The following NLRP3 variants were observed in gnomAD, a reference collection of about 807,000 sequenced individuals.
NLRP3 encodes NLR family pyrin domain containing 3, also known as NACHT, LRR and PYD domains-containing protein 3.
A neutral mutation model predicts 91.3 loss-of-function variants in NLRP3; 48 were observed. The observed-to-expected ratio is 0.53, with a 90% CI of 0.42 to 0.67. The LOEUF is 0.67. Ranked by LOEUF, NLRP3 falls within the 30% of genes least tolerant of loss-of-function variation. NLRP3 has a pLI of 0.00. For synonymous variants in NLRP3, 561 were observed against 507.9 expected (o/e 1.10, Z -1.41); for missense variants, 982 against 1,276.9 (o/e 0.77, Z 3.52).
At chr1:247,417,907 T>C (rs12137901) in intron 1 of NLRP3, 146 bp from the exon 2 acceptor site, 39,352 of 152,360 alleles carry the variant, frequency 0.26, 5,354 homozygotes, top group African/African-American at 0.34. Flanking sequence ...CCACGTCCTG[T>C]TCTGTTATCA....
At chr1:247,430,365 G>C (rs767779366) in intron 5 of NLRP3, among the ~76,000 whole-genome samples, 1 of 152,138 alleles carries the variant, frequency 6.6e-6, no homozygotes, top group African/African-American at 2.4e-5. Context: ...TCTTGCCTTG[G>C]GGGGAAGAGT....
At chr1:247,432,402 T>C (rs975670826) in intron 5 of NLRP3, among the ~76,000 whole-genome samples, 4 of 152,218 alleles carry the variant, frequency 2.6e-5, no homozygotes, top group Non-Finnish European at 4.4e-5. Flanking sequence ...TCCAGTTCCA[T>C]CTGTGTGGCT....
At chr1:247,422,107 A>C (rs1349734262) in intron 2 of NLRP3, among the ~76,000 whole-genome samples, 1 of 151,874 alleles carries the variant, frequency 6.6e-6, no homozygotes, top group East Asian at 1.9e-4. Context: ...GGCTGGGCGC[A>C]GTGGCTTATG....
At chr1:247,444,294 G>A (rs1046907987) in intron 8 of NLRP3, 152 bp downstream of exon 8, 1 of 853,264 alleles carries the variant, frequency 1.2e-6, no homozygotes, top group Admixed American at 2.0e-5. Context: ...ACTGGGAGGA[G>A]TCCTTCCAGA....
At chr1:247,438,060 G>A (rs1387877432) in intron 7 of NLRP3, among the ~76,000 whole-genome samples, 1 of 152,322 alleles carries the variant, frequency 6.6e-6, no homozygotes. Context: ...ACCTGGTAGA[G>A]CTGCTGTAAT....
At chr1:247,420,846 C>T (rs1342180585) in intron 2 of NLRP3, among the ~76,000 whole-genome samples, 2 of 152,160 alleles carry the variant, frequency 1.3e-5, no homozygotes, top group Non-Finnish European at 2.9e-5. Context: ...GCAGACTGTA[C>T]CTACCCCCTG....
intron 4 of NLRP3, among the ~76,000 whole-genome samples, chr1:247,428,497 G>A (rs1239464599): frequency 6.6e-6 from 1 of 152,202 alleles, no homozygotes; most frequent in Non-Finnish European, 1.5e-5. Context: ...GGGTGCAGTG[G>A]CTCTTGCCTG....
At chr1:247,438,364 A>C in intron 7 of NLRP3, among the ~76,000 whole-genome samples, 1 of 136,882 alleles carries the variant, frequency 7.3e-6, no homozygotes. Flanking sequence ...GGATTTCACG[A>C]CTGGTTTAGT....
chr1:247,443,788 T>C, intron 7 of NLRP3, 184 bp from the exon 8 acceptor site: 3 of 646,112 alleles, frequency 4.6e-6, no homozygotes, highest in Non-Finnish European at 8.4e-6. Flanking sequence ...ACATCATTTG[T>C]GTCTCCTGTG....
rs779145557 is a variant in NLRP3, at chr1:247,444,712, A to ACACTTTC, written c.2896_2897insCACTTTC (p.Ser966ThrfsTer15). The stretch of plus-strand genomic sequence containing the variant: ...GGATCTTTCCACACTTCTGACCTCC[A>ACACTTTC]GCCAGAGCCTGCGAAAGCTGAGCCT... On this transcript the variant is annotated frameshift_variant, in exon 9 of 10. Coordinates refer to ENST00000336119, the MANE Select transcript of NLRP3 (RefSeq NM_001243133.2). LOFTEE classifies it high-confidence loss of function. 6.2e-7 allele frequency: 1 copy of ACACTTTC among 1,614,038 alleles called. No individual in the cohort carries two copies. The highest frequency in any genetic ancestry group is 8.5e-7 in the Non-Finnish European group (1 of 1,180,032).
chr1:247,425,103 C>T lies in NLRP3; in HGVS notation c.1654C>T (p.Pro552Ser). 6.2e-7 allele frequency: 1 copy of T among 1,613,366 alleles called. No individual in the cohort carries two copies. Among genetic ancestry groups the T allele is most frequent in the Non-Finnish European group, 8.5e-7 (1 of 1,179,610 alleles). The change falls in exon 4 of 10, where the codon CCC becomes TCC. Residue 552 changes from proline to serine, a missense_variant. Pro to Ser is a moderately conservative substitution (Grantham distance 74). Around this residue, in one of 5 missense-constraint regions of NLRP3, gnomAD observed 548 missense variants for 713.7 expected, o/e 0.77. Coordinates refer to ENST00000336119, the MANE Select transcript of NLRP3 (RefSeq NM_001243133.2). This position sits in a 1 kb window ranked among gnomAD's most constrained non-coding sequence, Gnocchi z 4.1. Reference protein sequence around the residue: ...TNVPGSRLKLPSRDVTVLLEN... With the variant: ...TNVPGSRLKLSSRDVTVLLEN... ...CGTTCCAGGGAGTCGTTTGAAGCTT[C>T]CCAGCCGAGACGTGACAGTCCTTCT...
At chr1:247,429,539 A>G (rs200688755) in intron 4 of NLRP3, 46 bp from the exon 5 acceptor site, 2 of 1,606,006 alleles carry the variant, frequency 1.2e-6, no homozygotes, top group Non-Finnish European at 1.7e-6. Flanking sequence ...GTTAGTTATT[A>G]TTCGAGGCTG....
Position 247,418,877 on chromosome 1 carries a change from A to G in NLRP3, c.77A>G (p.His26Arg), listed in dbSNP as rs766848315. 1.2e-6 allele frequency: 2 copies of G among 1,613,898 alleles called. No homozygotes were observed. Among genetic ancestry groups the G allele is most frequent in the South Asian group, 1.1e-5 (1 of 91,076 alleles). ...GTGGACTTGAAGAAATTTAAGATGC[A>G]CTTAGAGGACTATCCTCCCCAGAAG... ...EDVDLKKFKM[H>R]LEDYPPQKGC... The change falls in exon 2 of 10, where the codon CAC becomes CGC. Residue 26 changes from histidine to arginine, a missense_variant. Around this residue, in one of 5 missense-constraint regions of NLRP3, gnomAD observed 548 missense variants for 713.7 expected, o/e 0.77. Transcript: ENST00000336119.
At chr1:247,433,914 C>G (rs113503382) in intron 5 of NLRP3, among the ~76,000 whole-genome samples, 189 bp from the exon 6 acceptor site, 6,085 of 93,846 alleles carry the variant, frequency 0.065, 749 homozygotes, top group Middle Eastern at 0.091. Flanking sequence ...GATGCTTTCT[C>G]TATTCCGGAG....
Position 247,424,291 on chromosome 1 carries a change from C to T in NLRP3, c.842C>T (p.Pro281Leu), listed in dbSNP as rs1558190529. 30 of 1,614,062 alleles carry T rather than the reference C, an allele frequency of 1.9e-5. No individual in the cohort carries two copies. The highest frequency in any genetic ancestry group is 2.4e-5 in the Non-Finnish European group (28 of 1,180,008). ...CTGATCATGAGCTGCTGCCCCGACCCAAACCCACCCATCCACAAGATCGTG... is the reference window on the plus strand; with the variant it reads ...CTGATCATGAGCTGCTGCCCCGACCTAAACCCACCCATCCACAAGATCGTG... ...GDLIMSCCPD[P>L]NPPIHKIVRK... The change falls in exon 4 of 10, where the codon CCA becomes CTA. Residue 281 changes from proline to leucine, a missense_variant. Pro to Leu is a moderately conservative substitution (Grantham distance 98). Around this residue, in one of 5 missense-constraint regions of NLRP3, gnomAD observed 548 missense variants for 713.7 expected, o/e 0.77. Coordinates refer to ENST00000336119, the MANE Select transcript of NLRP3 (RefSeq NM_001243133.2). This position sits in a 1 kb window ranked among gnomAD's most constrained non-coding sequence, Gnocchi z 8.1.
intron 4 of NLRP3, among the ~76,000 whole-genome samples, chr1:247,427,131 T>G (rs1179167813): frequency 6.6e-6 from 1 of 152,124 alleles, no homozygotes; most frequent in Non-Finnish European, 1.5e-5. Flanking sequence ...TGTTCCCTGG[T>G]CGATGGTGCC....
chr1:247,448,641 C>T lies in NLRP3; in HGVS notation c.*137C>T, dbSNP rs1177792335. On this transcript the variant is annotated 3_prime_UTR_variant, in exon 10 of 10. Transcript: ENST00000336119. ...TCCGGTGGAGTGTCGGAGAAGAGAG[C>T]TTGCCGACGATGCCTTCCTGTGCAG... is the stretch of plus-strand genomic sequence containing the variant. 1.4e-5 allele frequency: 10 copies of T among 712,330 alleles called. No homozygotes were observed. The highest frequency in any genetic ancestry group is 1.3e-4 in the East Asian group (5 of 37,066). The allele number at this position is 712,330 out of a possible 1,614,324, so 44.1% of individuals were successfully genotyped here.
intron 9 of NLRP3, among the ~76,000 whole-genome samples, chr1:247,446,026 C>T (rs12565738): frequency 0.19 from 28,435 of 152,134 alleles, 3,226 homozygotes; most frequent in African/African-American, 0.32. Context: ...ACCCTTGCTA[C>T]TCTCTTCTAC....
intron 9 of NLRP3, among the ~76,000 whole-genome samples, chr1:247,447,172 G>A (rs1392139662): frequency 6.6e-6 from 1 of 152,174 alleles, no homozygotes; most frequent in Admixed American, 6.5e-5. Flanking sequence ...AATACTGGAG[G>A]CTAGAAAGTC....
Sources: allele counts gnomAD v4.1 joint callset (sites outside exome capture counted in the v4.1 genomes callset), GRCh38; gene constraint gnomAD v4.1.1; regional missense constraint gnomAD v4.1.1; non-coding constraint Gnocchi (gnomAD v3.1); transcripts MANE v1.5; gene names NCBI Gene and HGNC (gene_info 2026-07-23, HGNC 2026-07-21).